LDLRAD3: variants seen among roughly 807,000 people sequenced by gnomAD.
The protein encoded by LDLRAD3 is low-density lipoprotein receptor class A domain-containing protein 3.
LDLRAD3 carries 20 observed loss-of-function variants against 29.4 expected under a neutral mutation model. That is an observed-to-expected ratio of 0.68 (90% CI 0.48 to 0.99). The LOEUF (loss-of-function observed/expected upper bound fraction) is 0.99, where lower values mean the gene tolerates loss of function less well. Among genes scored for constraint, LDLRAD3 ranks in the 50% least tolerant of loss-of-function variants. LDLRAD3 has a pLI of 0.00. For synonymous variants in LDLRAD3, 157 were observed against 192.7 expected (o/e 0.81, Z 1.53); for missense variants, 420 against 454.3 (o/e 0.92, Z 0.69).
intron 1 of LDLRAD3, among the ~76,000 whole-genome samples, chr11:35,969,557 A>G (rs1014277913): frequency 1.3e-5 from 2 of 152,200 alleles, no homozygotes; most frequent in African/African-American, 2.4e-5. Flanking sequence ...TTTATTAATC[A>G]CTTCCTTGGC....
chr11:36,006,125 A>G (rs571646231), intron 1 of LDLRAD3, among the ~76,000 whole-genome samples: 12 of 152,336 alleles, frequency 7.9e-5, no homozygotes, highest in Non-Finnish European at 1.6e-4. Flanking sequence ...ATATGGGCTC[A>G]GAGACCTCAA....
chr11:36,076,804 C>T (rs1386081345), intron 2 of LDLRAD3, among the ~76,000 whole-genome samples: 1 of 152,172 alleles, frequency 6.6e-6, no homozygotes, highest in African/African-American at 2.4e-5. Context: ...ATGACCCATA[C>T]CCTTGGGAGA....
At chr11:36,030,485 G>A (rs1469515297) in intron 1 of LDLRAD3, among the ~76,000 whole-genome samples, 3 of 150,492 alleles carry the variant, frequency 2.0e-5, no homozygotes, top group Non-Finnish European at 4.4e-5. Flanking sequence ...TACGTTTGAA[G>A]AAGACAGTCA....
At chr11:36,024,249 C>T (rs1191006268) in intron 1 of LDLRAD3, among the ~76,000 whole-genome samples, 1 of 152,178 alleles carries the variant, frequency 6.6e-6, no homozygotes, top group East Asian at 1.9e-4. Context: ...GTATATACCA[C>T]CTGCTCTCTT....
At chr11:35,973,073 AG>A (rs1851434994) in intron 1 of LDLRAD3, among the ~76,000 whole-genome samples, 1 of 149,372 alleles carries the variant, frequency 6.7e-6, no homozygotes, top group African/African-American at 2.5e-5. Context: ...AAAAAAAAAA[AG>A]GGAGCACATA....
intron 1 of LDLRAD3, chr11:35,997,592 G>T: frequency 3.6e-6 from 1 of 277,200 alleles, no homozygotes; most frequent in Non-Finnish European, 7.0e-6. Context: ...CAATCTTGGG[G>T]GCCAGCACAG....
chr11:36,077,351 G>C (rs1853030426), intron 2 of LDLRAD3, among the ~76,000 whole-genome samples: 1 of 152,160 alleles, frequency 6.6e-6, no homozygotes, highest in African/African-American at 2.4e-5. Flanking sequence ...GATCTTTGGG[G>C]TATCACTTTG....
chr11:36,206,852 G>A (rs1198509707), intron 4 of LDLRAD3, among the ~76,000 whole-genome samples: 1 of 150,998 alleles, frequency 6.6e-6, no homozygotes, highest in Non-Finnish European at 1.5e-5. Flanking sequence ...TCAGCCTCAC[G>A]AGTAGCTGGA....
chr11:36,123,379 G>T (rs1205959885), intron 4 of LDLRAD3, among the ~76,000 whole-genome samples: 2 of 152,216 alleles, frequency 1.3e-5, no homozygotes, highest in East Asian at 1.9e-4. Flanking sequence ...GCTGGTGCAG[G>T]TTTGCCCTAC....
At chr11:36,175,098 A>T (rs1346792322) in intron 4 of LDLRAD3, among the ~76,000 whole-genome samples, 1 of 152,238 alleles carries the variant, frequency 6.6e-6, no homozygotes, top group East Asian at 1.9e-4. Flanking sequence ...TGGGACTGTA[A>T]ACTGGTTCAA....
intron 1 of LDLRAD3, among the ~76,000 whole-genome samples, chr11:36,032,697 A>T (rs186036238): frequency 1.3e-3 from 194 of 152,262 alleles, no homozygotes; most frequent in Admixed American, 4.2e-3. Flanking sequence ...AGACAGTGCC[A>T]TATGTTCCCA....
intron 4 of LDLRAD3, among the ~76,000 whole-genome samples, chr11:36,108,650 G>A (rs914678033): frequency 2.0e-5 from 3 of 152,034 alleles, no homozygotes; most frequent in Admixed American, 6.6e-5. Flanking sequence ...GAGGGTCAGC[G>A]GAGAAGGATC....
intron 2 of LDLRAD3, among the ~76,000 whole-genome samples, chr11:36,071,985 G>A (rs11823160): frequency 0.018 from 2,687 of 152,324 alleles, 78 homozygotes; most frequent in African/African-American, 0.06. Flanking sequence ...TTTTACATCT[G>A]TCTTTGTATG....
chr11:36,205,580 T>A (rs1291003678), intron 4 of LDLRAD3, among the ~76,000 whole-genome samples: 1 of 152,184 alleles, frequency 6.6e-6, no homozygotes, highest in Non-Finnish European at 1.5e-5. Flanking sequence ...CCAAAGTCTT[T>A]ACAGATCAAA....
intron 4 of LDLRAD3, among the ~76,000 whole-genome samples, chr11:36,168,478 A>G (rs1854546806): frequency 7.3e-6 from 1 of 136,412 alleles, no homozygotes; most frequent in African/African-American, 2.6e-5. Flanking sequence ...AAATGATTTT[A>G]TTCCGTTTTT....
chr11:36,103,810 G>C (rs1370442749), intron 4 of LDLRAD3, among the ~76,000 whole-genome samples: 2 of 152,112 alleles, frequency 1.3e-5, no homozygotes, highest in Non-Finnish European at 2.9e-5. Flanking sequence ...TTTGTGACTG[G>C]CTTATTTCAC....
intron 2 of LDLRAD3, among the ~76,000 whole-genome samples, chr11:36,049,660 G>T (rs1359430947): frequency 6.6e-6 from 1 of 152,196 alleles, no homozygotes; most frequent in Non-Finnish European, 1.5e-5. Context: ...AGGCTGTTGG[G>T]TGTTCTAGAA....
In LDLRAD3 at chr11:35,973,471, T is replaced by A. The variant is rs143434117; in HGVS notation, c.46+29327T>A. Among the ~76,000 whole-genome samples the A allele has an allele frequency of 3.0e-3, 451 of 152,176 alleles. 1 individual carries two copies. The highest frequency in any genetic ancestry group is 0.011 in the African/African-American group (438 of 41,516). ...GGTGTTTTGTTTGTTTGTTTTGTTT[T>A]TTTTGAGGTGTAGTCTTACTCTGTC... On this transcript the variant is annotated intron_variant, in intron 1 of 5. Coordinates refer to ENST00000315571, the MANE Select transcript of LDLRAD3 (RefSeq NM_174902.4).
At chr11:36,021,284 A>C (rs1181621341) in intron 1 of LDLRAD3, among the ~76,000 whole-genome samples, 1 of 152,182 alleles carries the variant, frequency 6.6e-6, no homozygotes, top group Non-Finnish European at 1.5e-5. Context: ...TAACTAGGGA[A>C]GATATCGCTT....
Sources: allele counts gnomAD v4.1 joint callset (sites outside exome capture counted in the v4.1 genomes callset), GRCh38; gene constraint gnomAD v4.1.1; transcripts MANE v1.5; gene names NCBI Gene and HGNC (gene_info 2026-07-23, HGNC 2026-07-21).